The following PSD2 variants were observed in gnomAD, a reference collection of about 807,000 sequenced individuals.
The protein encoded by PSD2 is pleckstrin and Sec7 domain containing 2, also known as PH and SEC7 domain-containing protein 2.
A neutral mutation model predicts 69.8 loss-of-function variants in PSD2; 38 were observed. That is an observed-to-expected ratio of 0.54 (90% CI 0.42 to 0.71). PSD2 has a LOEUF of 0.71. Among genes scored for constraint, PSD2 ranks in the 30% least tolerant of loss-of-function variants. PSD2 has a pLI of 0.00. For missense variants in PSD2, 943 were observed against 1,014.5 expected, an observed-to-expected ratio of 0.93 and a Z score of 0.96; for synonymous variants, 412 against 423.0, an observed-to-expected ratio of 0.97 and a Z score of 0.32.
the PSD2 span, among the ~76,000 whole-genome samples, chr5:139,781,620 C>A: frequency 2.6e-5 from 4 of 151,276 alleles, no homozygotes; most frequent in Non-Finnish European, 4.4e-5. Context: ...CAGGTGTGAG[C>A]CACGGCGCCT....
chr5:139,790,119 C>T, the PSD2 span, among the ~76,000 whole-genome samples: 3 of 151,842 alleles, frequency 2.0e-5, no homozygotes, highest in African/African-American at 4.8e-5. Context: ...TTGTGGCCTG[C>T]GTAAAGACTT....
rs946983525 is a variant in PSD2, at chr5:139,839,385, C to G, written c.1968+613C>G. ...CTGCCCAGAACCTTTGTGCAATGCA[C>G]GTACACCATGTATGTGCACAAACCA... On this transcript the variant is annotated intron_variant, in intron 13 of 14. Coordinates refer to ENST00000274710, the MANE Select transcript of PSD2 (RefSeq NM_032289.4). This position sits in a 1 kb window ranked among gnomAD's most constrained non-coding sequence, Gnocchi z 5.1. Among the ~76,000 whole-genome samples, 1 of 152,368 alleles carries G rather than the reference C, an allele frequency of 6.6e-6. No individual in the cohort carries two copies. Among genetic ancestry groups the G allele is most frequent in the South Asian group, 2.1e-4 (1 of 4,830 alleles).
In PSD2 at chr5:139,843,272, T is replaced by C. The variant is rs1760921576; in HGVS notation, c.*798T>C. The C allele has an allele frequency of 6.6e-6, 1 of 152,218 alleles. No homozygotes were observed. Among genetic ancestry groups the C allele is most frequent in the Non-Finnish European group, 1.5e-5 (1 of 68,038 alleles). The allele number at this position is 152,218 out of a possible 1,614,324, so 9.4% of individuals were successfully genotyped here. A position where few individuals can be genotyped will look rare whatever the true frequency, so the allele number is the denominator to read the frequency against. On this transcript the variant is annotated 3_prime_UTR_variant, in exon 15 of 15. Coordinates refer to ENST00000274710, the MANE Select transcript of PSD2 (RefSeq NM_032289.4). ...TGGCCCCCTGGCATTCCTGACGCTC[T>C]AGGAGGGAAGGGGGAGGCAGTGCTG...
chr5:139,815,268 A>C (rs1188790619), intron 4 of PSD2, among the ~76,000 whole-genome samples: 1 of 151,988 alleles, frequency 6.6e-6, no homozygotes, highest in African/African-American at 2.4e-5. Context: ...CAGCCCAGAA[A>C]TCACAACTCG....
intron 5 of PSD2, among the ~76,000 whole-genome samples, chr5:139,817,860 T>G (rs1341044333): frequency 6.6e-6 from 1 of 152,188 alleles, no homozygotes; most frequent in Non-Finnish European, 1.5e-5. Flanking sequence ...AGGTCTTTAC[T>G]CACCTTGCTT....
the PSD2 span, among the ~76,000 whole-genome samples, chr5:139,787,189 A>G: frequency 9.2e-5 from 14 of 152,166 alleles, no homozygotes; most frequent in Admixed American, 1.3e-4. Flanking sequence ...CTTGTCCTAG[A>G]AGCGCTCTCA....
chr5:139,754,429 G>T, the PSD2 span, among the ~76,000 whole-genome samples: 1 of 151,986 alleles, frequency 6.6e-6, no homozygotes. Flanking sequence ...TGGGTGTGGT[G>T]GCTCACACCT....
the PSD2 span, chr5:139,773,089 A>T: frequency 6.6e-6 from 1 of 152,374 alleles, no homozygotes; most frequent in Non-Finnish European, 1.5e-5. Flanking sequence ...TATACAGTTC[A>T]GTGACATTAA....
At chr5:139,757,472 G>C in the PSD2 span, among the ~76,000 whole-genome samples, 4 of 152,172 alleles carry the variant, frequency 2.6e-5, no homozygotes, top group African/African-American at 9.7e-5. Flanking sequence ...ATCAACCAAA[G>C]ACTCAAGGGG....
chr5:139,813,201 G>A (rs1267314534), intron 2 of PSD2, 108 bp from the exon 3 acceptor site: 58 of 822,092 alleles, frequency 7.1e-5, no homozygotes, highest in Non-Finnish European at 1.0e-4. Flanking sequence ...AATAGGATGG[G>A]GGAGTGGTGT....
chr5:139,813,702 A>AG lies in PSD2; in HGVS notation c.772dup (p.Asp258GlyfsTer2), dbSNP rs761028052. On this transcript the variant is annotated frameshift_variant, in exon 3 of 15. Transcript: ENST00000274710. LOFTEE classifies it high-confidence loss of function. ...TCCATGAAGATGGCCCTCAGGGCCC[A>AG]GGGGGGGATGAGGATGATGATGAGG... is the stretch of plus-strand genomic sequence containing the variant. 2 of 1,613,120 alleles carry AG rather than the reference A, an allele frequency of 1.2e-6. No individual in the cohort carries two copies. The highest frequency in any genetic ancestry group is 1.7e-6 in the Non-Finnish European group (2 of 1,179,576).
At chr5:139,823,185 C>G in intron 7 of PSD2, among the ~76,000 whole-genome samples, 1 of 152,218 alleles carries the variant, frequency 6.6e-6, no homozygotes, top group East Asian at 1.9e-4. Flanking sequence ...TGGTGTGGGA[C>G]GCCCAGGCTG....
At chr5:139,805,619 T>A (rs115280376) in intron 1 of PSD2, among the ~76,000 whole-genome samples, 1,742 of 152,158 alleles carry the variant, frequency 0.011, 33 homozygotes, top group African/African-American at 0.04. Flanking sequence ...GTGCCAGGGG[T>A]CAGAGAGGGC....
chr5:139,788,268 C>T, the PSD2 span, among the ~76,000 whole-genome samples: 2 of 152,038 alleles, frequency 1.3e-5, no homozygotes, highest in Admixed American at 1.3e-4. Context: ...CCGCTCCTCC[C>T]TGGGCAGGAC....
At chr5:139,777,623 C>T in the PSD2 span, among the ~76,000 whole-genome samples, 7 of 152,332 alleles carry the variant, frequency 4.6e-5, no homozygotes, top group Non-Finnish European at 8.8e-5. Context: ...GTGGCTCATG[C>T]CCTTAATCCC....
chr5:139,757,156 A>G, the PSD2 span, among the ~76,000 whole-genome samples: 1 of 151,904 alleles, frequency 6.6e-6, no homozygotes, highest in South Asian at 2.1e-4. Flanking sequence ...CTGTTCTCCC[A>G]CCCCTCCTGG....
At chr5:139,813,801 G>T in intron 3 of PSD2, 43 bp downstream of exon 3, 1 of 1,523,000 alleles carries the variant, frequency 6.6e-7, no homozygotes. Flanking sequence ...AGCAGATGGG[G>T]AAACTGAGAC....
the PSD2 span, among the ~76,000 whole-genome samples, chr5:139,753,455 G>A: frequency 2.0e-5 from 3 of 152,276 alleles, no homozygotes; most frequent in South Asian, 4.1e-4. Flanking sequence ...AGGCTCTGAG[G>A]TTTGGCTCAT....
chr5:139,823,996 C>T (rs938111324), intron 7 of PSD2, among the ~76,000 whole-genome samples: 5 of 152,208 alleles, frequency 3.3e-5, no homozygotes. Context: ...GGCATGCAAC[C>T]TGAGTGTGGA....
Sources: gnomAD v4.1 joint callset for allele counts (sites outside exome capture counted in the v4.1 genomes callset) on GRCh38, gnomAD v4.1.1 for gene constraint, Gnocchi (gnomAD v3.1) non-coding constraint, MANE v1.5 for transcripts, NCBI Gene and HGNC (gene_info 2026-07-23, HGNC 2026-07-21) for gene names.